NUP88: variants seen among roughly 807,000 people sequenced by gnomAD.
NUP88 encodes the protein nucleoporin 88, also known as nuclear pore complex protein Nup88.
A neutral mutation model predicts 93.9 loss-of-function variants in NUP88; 57 were observed. That is an observed-to-expected ratio of 0.61 (90% CI 0.49 to 0.76). NUP88 has a LOEUF of 0.76. NUP88 is among the 30% of genes least tolerant of loss of function. The pLI is 0.00. For missense variants in NUP88, 911 were observed against 901.0 expected, an observed-to-expected ratio of 1.01 and a Z score of -0.14; for synonymous variants, 346 against 336.8, an observed-to-expected ratio of 1.03 and a Z score of -0.30.
Position 5,387,612 on chromosome 17 carries a change from C to G in NUP88, c.1828G>C (p.Glu610Gln), listed in dbSNP as rs780844498. Residue 610 changes from glutamate (E) to glutamine (Q), a missense_variant, in exon 13 of 17, where the codon GAA becomes CAA. Physicochemically the swap from Glu to Gln is conservative, Grantham distance 29. Transcript: ENST00000573584. ...KQLEDLSYCR[E>Q]ERKSLREMAE... ...CTTATTTTTGACACTTACCTCTCTT[C>G]TCGACAATAACTGAGATCTTCTAGT... 1 of 1,612,934 alleles carries G rather than the reference C, an allele frequency of 6.2e-7. No individual in the cohort carries two copies. The highest frequency in any genetic ancestry group is 1.7e-5 in the Admixed American group (1 of 59,902).
Position 5,385,845 on chromosome 17 carries a change from C to G in NUP88, c.*361G>C. 1 of 264,704 alleles carries G rather than the reference C, an allele frequency of 3.8e-6. No individual in the cohort carries two copies. Among genetic ancestry groups the G allele is most frequent in the Non-Finnish European group, 7.1e-6 (1 of 140,252 alleles). 16.4% of individuals were successfully genotyped at this position (264,704 alleles called of 1,614,324 possible). A position where few individuals can be genotyped will look rare whatever the true frequency, so the allele number is the denominator to read the frequency against. On this transcript the variant is annotated 3_prime_UTR_variant, in exon 17 of 17. Coordinates refer to ENST00000573584, the MANE Select transcript of NUP88 (RefSeq NM_002532.6). ...GTCTTCTCCTTTGAATCCTAGGGTT[C>G]TATCCCTCTTCAGAGTCATGTTTCT...
intron 10 of NUP88, among the ~76,000 whole-genome samples, chr17:5,390,745 C>A (rs1241567302): frequency 6.6e-6 from 1 of 151,956 alleles, no homozygotes; most frequent in Non-Finnish European, 1.5e-5. Flanking sequence ...GCTCTGTTAC[C>A]CAGGCTGTAG....
intron 7 of NUP88, among the ~76,000 whole-genome samples, chr17:5,402,469 T>TA (rs1176054514): frequency 1.3e-5 from 2 of 152,250 alleles, no homozygotes; most frequent in East Asian, 3.8e-4. Context: ...ATAAAATTCT[T>TA]AGACAATATA....
Position 5,411,597 on chromosome 17 carries a change from A to C in NUP88, c.594-808T>G, listed in dbSNP as rs866396466. 9.8e-3 allele frequency among the ~76,000 whole-genome samples: 1,440 copies of C among 147,222 alleles called. 21 individuals are homozygous for C. Among genetic ancestry groups the C allele is most frequent in the African/African-American group, 0.034 (1,361 of 40,258 alleles). On this transcript the variant is annotated intron_variant, in intron 3 of 16. Transcript: ENST00000573584. ...CTCCATTTCAAAAAAAAAAAAAAAA[A>C]CCAAACAAACAAACCCAGTATCGTA... is the stretch of plus-strand genomic sequence containing the variant.
At chr17:5,391,875 C>T (rs527410393) in intron 9 of NUP88, among the ~76,000 whole-genome samples, 7 of 152,328 alleles carry the variant, frequency 4.6e-5, no homozygotes, top group South Asian at 2.1e-4. Flanking sequence ...CTCAGGAATC[C>T]CTAACTGTAG....
At chr17:5,413,576 T>A (rs1425567342) in intron 3 of NUP88, among the ~76,000 whole-genome samples, 1 of 152,160 alleles carries the variant, frequency 6.6e-6, no homozygotes, top group African/African-American at 2.4e-5. Context: ...TTAGAAACTA[T>A]TGAATCAAAC....
At chr17:5,407,433 C>T (rs1913563989) in intron 5 of NUP88, among the ~76,000 whole-genome samples, 1 of 152,174 alleles carries the variant, frequency 6.6e-6, no homozygotes, top group African/African-American at 2.4e-5. Context: ...GGAACCTTGC[C>T]TTCAATCTTG....
intron 6 of NUP88, 97 bp from the exon 7 acceptor site, chr17:5,404,343 C>T (rs557573456): frequency 4.1e-6 from 5 of 1,221,020 alleles, no homozygotes; most frequent in Non-Finnish European, 5.8e-6. Context: ...CCGGGTGCGG[C>T]TGTTCTTGCC....
chr17:5,387,697 T>G (rs764258187), intron 12 of NUP88, 27 bp from the exon 13 acceptor site: 1 of 1,609,272 alleles, frequency 6.2e-7, no homozygotes, highest in Non-Finnish European at 8.5e-7. Flanking sequence ...AAATAGAGTT[T>G]ATTCAGAAGC....
intron 1 of NUP88, among the ~76,000 whole-genome samples, chr17:5,418,615 A>T (rs1914353054): frequency 6.6e-6 from 1 of 152,164 alleles, no homozygotes; most frequent in African/African-American, 2.4e-5. Context: ...CCCTATTTTC[A>T]AAACTGCAGA....
At chr17:5,415,806 G>C (rs1342270383) in intron 2 of NUP88, among the ~76,000 whole-genome samples, 1 of 152,062 alleles carries the variant, frequency 6.6e-6, no homozygotes, top group Non-Finnish European at 1.5e-5. Context: ...ACTCTTTTCA[G>C]TAGATCTTTC....
At chr17:5,411,911 G>C (rs1913865666) in intron 3 of NUP88, among the ~76,000 whole-genome samples, 1 of 152,108 alleles carries the variant, frequency 6.6e-6, no homozygotes, top group South Asian at 2.1e-4. Context: ...ATTTATTACA[G>C]TCTTCCTAGG....
At chr17:5,390,678 G>A (rs781402517) in intron 10 of NUP88, among the ~76,000 whole-genome samples, 1 of 151,204 alleles carries the variant, frequency 6.6e-6, no homozygotes, top group Non-Finnish European at 1.5e-5. Flanking sequence ...TTCCTTAAAG[G>A]AGCAAAGACT....
At position 5,408,791 on chromosome 17, in the gene NUP88, G is replaced by T. The variant is rs769008094; in HGVS notation, c.799C>A (p.Leu267Met). Residue 267 changes from leucine to methionine, a missense_variant, in exon 5 of 17, where the codon CTG (leucine) becomes ATG (methionine). Transcript: ENST00000573584. ...TCTCCATTTTCATATAAGATGTACA[G>T]TGGGTATGCCACTACTTCATCTTTG... Reference protein sequence around the residue: ...NGKDEVVAYPLYILYENGETF... With the variant: ...NGKDEVVAYPMYILYENGETF... 12 of 1,613,726 alleles carry T rather than the reference G, an allele frequency of 7.4e-6. No homozygotes were observed. The South Asian group carries it at 1.2e-4, about 16-fold the overall frequency.
chr17:5,411,783 CACTT>C (rs1443802453), intron 3 of NUP88, among the ~76,000 whole-genome samples: 3 of 152,154 alleles, frequency 2.0e-5, no homozygotes, highest in Non-Finnish European at 2.9e-5. Context: ...CCCTTATAAT[CACTT>C]ATTTTGTCTG....
chr17:5,394,919 T>A lies in NUP88; in HGVS notation c.1354A>T (p.Ile452Phe), dbSNP rs1257269203. The stretch of plus-strand genomic sequence containing the variant: ...CAGGGCAATGGCTTCGTACAAAGGA[T>A]GTGTTCAACAAAGCATTTCTGTTCT... Reference protein sequence around the residue: ...STEQKCFVEHILCTKPLPCRQ... With the variant: ...STEQKCFVEHFLCTKPLPCRQ... The change falls in exon 9 of 17, where the codon ATC becomes TTC. Residue 452 changes from isoleucine to phenylalanine, a missense_variant. Transcript: ENST00000573584. 6.2e-7 allele frequency: 1 copy of A among 1,613,524 alleles called. No homozygotes were observed. The highest frequency in any genetic ancestry group is 8.5e-7 in the Non-Finnish European group (1 of 1,179,558).
chr17:5,416,635 C>G lies in NUP88; in HGVS notation c.345G>C (p.Leu115Phe). ...CTACATGATGTTGTGTTGGGCTTAACAAGACTTGATAGATTTCAAACAGGG... is the reference window on the plus strand; with the variant it reads ...CTACATGATGTTGTGTTGGGCTTAAGAAGACTTGATAGATTTCAAACAGGG... ...NPPLFEIYQV[L>F]LSPTQHHVAL... Residue 115 changes from leucine (L) to phenylalanine (F), a missense_variant, in exon 2 of 17, where the codon TTG becomes TTC. By Grantham distance (22) the Leu-to-Phe change is conservative (BLOSUM62 0). Transcript: ENST00000573584. 6.2e-7 allele frequency: 1 copy of G among 1,611,786 alleles called. No homozygotes were observed.
At chr17:5,407,940 T>G (rs906235355) in intron 5 of NUP88, among the ~76,000 whole-genome samples, 1 of 152,200 alleles carries the variant, frequency 6.6e-6, no homozygotes, top group African/African-American at 2.4e-5. Context: ...CCCTAACCAA[T>G]TGTTTTGTCC....
chr17:5,387,700 T>TCAGAAGC, intron 12 of NUP88, 30 bp from the exon 13 acceptor site: 1 of 1,609,322 alleles, frequency 6.2e-7, no homozygotes, highest in Non-Finnish European at 8.5e-7. Flanking sequence ...TAGAGTTTAT[T>TCAGAAGC]CAGAAGCCAG....
Sources: gnomAD v4.1 joint callset for allele counts (sites outside exome capture counted in the v4.1 genomes callset) on GRCh38, gnomAD v4.1.1 for gene constraint, MANE v1.5 for transcripts, NCBI Gene and HGNC (gene_info 2026-07-23, HGNC 2026-07-21) for gene names.